MROH1: variants seen among roughly 807,000 people sequenced by gnomAD.
MROH1 encodes maestro heat-like repeat-containing protein family member 1.
In MROH1, 117 loss-of-function variants were observed where a neutral mutation model predicts 116.5. The ratio of observed to expected loss-of-function variants is 1.00; its 90% CI spans 0.86 to 1.17. The LOEUF is 1.17. Ranked by LOEUF, MROH1 falls within the 50% of genes most tolerant of loss-of-function variation. The pLI, the probability that MROH1 is intolerant of heterozygous loss-of-function variation, is 0.00. For missense variants in MROH1, 1,873 were observed against 1,338.5 expected, an observed-to-expected ratio of 1.40 and a Z score of -6.23; for synonymous variants, 921 against 583.9, an observed-to-expected ratio of 1.58 and a Z score of -8.32.
At chr8:144,165,373 C>T (rs1484364326) in intron 3 of MROH1, among the ~76,000 whole-genome samples, 1 of 151,940 alleles carries the variant, frequency 6.6e-6, no homozygotes, top group Non-Finnish European at 1.5e-5. Flanking sequence ...TCTACCTCGG[C>T]CTCCTAAAGT....
rs369659559 is a variant in MROH1, at chr8:144,180,380, G to T, written c.463+40G>T. On this transcript the variant is annotated intron_variant, in intron 6 of 43. Transcript: ENST00000326134. The surrounding 1 kb of genome is among the most constrained non-coding windows in gnomAD (Gnocchi z 7.4). ...GCCTGCCCCAGGAGGAGCACGGGGCGCTGGAAGCCTTGGCGGAGGCCTTTG... is the reference window on the plus strand; with the variant it reads ...GCCTGCCCCAGGAGGAGCACGGGGCTCTGGAAGCCTTGGCGGAGGCCTTTG... 2.5e-6 allele frequency: 4 copies of T among 1,610,174 alleles called. No homozygotes were observed. The highest frequency in any genetic ancestry group is 3.4e-6 in the Non-Finnish European group (4 of 1,178,976).
chr8:144,240,484 C>T (rs2132891291), intron 19 of MROH1, 86 bp from the exon 20 acceptor site: 1 of 706,272 alleles, frequency 1.4e-6, no homozygotes. Flanking sequence ...GCCCCTGCAG[C>T]CACAGCACAT....
In MROH1 at chr8:144,258,933, C is replaced by G; in HGVS notation, c.3929+19C>G. 1.4e-6 allele frequency: 1 copy of G among 724,214 alleles called. No individual in the cohort carries two copies. Among genetic ancestry groups the G allele is most frequent in the Admixed American group, 1.9e-5 (1 of 52,240 alleles). The allele number at this position is 724,214 out of a possible 1,614,324, so 44.9% of individuals were successfully genotyped here. ...TGGCCAGGTGAGCGGGCCCAGCCCACTGCAGCTCCAGCACTGGCTGGGCTC... is the reference window on the plus strand; with the variant it reads ...TGGCCAGGTGAGCGGGCCCAGCCCAGTGCAGCTCCAGCACTGGCTGGGCTC... On this transcript the variant is annotated intron_variant, in intron 36 of 43. Transcript: ENST00000326134.
intron 12 of MROH1, among the ~76,000 whole-genome samples, chr8:144,211,704 C>T (rs866497743): frequency 2.0e-5 from 3 of 150,146 alleles, no homozygotes; most frequent in Non-Finnish European, 4.4e-5. Context: ...CCAGCCTGTG[C>T]GACAAGAGTG....
chr8:144,178,424 G>A (rs1365381176), intron 4 of MROH1, among the ~76,000 whole-genome samples: 4 of 149,572 alleles, frequency 2.7e-5, no homozygotes, highest in South Asian at 2.1e-4. Flanking sequence ...GAGCCACCAC[G>A]CACGGCCTGT....
In MROH1 at chr8:144,258,808, C is replaced by T. The variant is rs1564581379; in HGVS notation, c.3823C>T (p.Leu1275Phe). 6.5e-6 allele frequency: 5 copies of T among 769,416 alleles called. No homozygotes were observed. Among genetic ancestry groups the T allele is most frequent in the Non-Finnish European group, 2.4e-6 (1 of 414,482 alleles). 47.7% of individuals were successfully genotyped at this position (769,416 alleles called of 1,614,324 possible). ...SAVDTLRSML[L>F]RSGSEDVVQR... ...AGTGGACACCCTGCGGTCCATGCTA[C>T]TCCGCAGCGGCAGCGAGGATGTGGT... Residue 1275 changes from leucine (L) to phenylalanine (F), a missense_variant, in exon 36 of 44, where the codon CTC becomes TTC. Physicochemically the swap from Leu to Phe is conservative, Grantham distance 22 (BLOSUM62 0). Coordinates refer to ENST00000326134, the MANE Select transcript of MROH1 (RefSeq NM_032450.3).
rs374228657 is a variant in MROH1, at chr8:144,195,366, A to G, written c.948+2965A>G. Among the ~76,000 whole-genome samples the G allele has an allele frequency of 1.5e-4, 23 of 149,704 alleles. 1 individual carries two copies. The South Asian group carries it at 4.2e-3, about 28-fold the overall frequency. The stretch of plus-strand genomic sequence containing the variant: ...AATGCAAAAAAATTAGCTGGGCATG[A>G]TAGTGGGTGCCTGTAGTCCCAGCTA... On this transcript the variant is annotated intron_variant, in intron 10 of 43. Coordinates refer to ENST00000326134, the MANE Select transcript of MROH1 (RefSeq NM_032450.3).
Position 144,200,507 on chromosome 8 carries a change from C to T in MROH1, c.1107C>T (p.Thr369=), listed in dbSNP as rs1830873596. 1 of 1,551,580 alleles carries T rather than the reference C, an allele frequency of 6.4e-7. No homozygotes were observed. The highest frequency in any genetic ancestry group is 8.7e-7 in the Non-Finnish European group (1 of 1,147,468). ...DTSNERTRVG[T]LQVVRHVINS... Reference sequence around the variant, plus strand: ...GCAATGAGAGGACCCGCGTGGGCACCCTGCAGGTGGTCAGACATGTCATCA... The same window carrying T: ...GCAATGAGAGGACCCGCGTGGGCACTCTGCAGGTGGTCAGACATGTCATCA... Residue 369 remains threonine, a synonymous_variant, in exon 12 of 44, where the codon ACC becomes ACT. Transcript: ENST00000326134.
At chr8:144,159,969 C>A (rs1431850972) in intron 1 of MROH1, among the ~76,000 whole-genome samples, 1 of 152,142 alleles carries the variant, frequency 6.6e-6, no homozygotes, top group Non-Finnish European at 1.5e-5. Flanking sequence ...CAGGGTTTCA[C>A]CGTGTTAGCC....
intron 14 of MROH1, among the ~76,000 whole-genome samples, chr8:144,232,798 A>G (rs1839189682): frequency 9.6e-6 from 1 of 103,692 alleles, no homozygotes; most frequent in Admixed American, 8.6e-5. Context: ...TGGCCTATTT[A>G]TTTATTTATT....
At chr8:144,227,845 C>A (rs1358403699) in intron 14 of MROH1, among the ~76,000 whole-genome samples, 5 of 152,000 alleles carry the variant, frequency 3.3e-5, no homozygotes, top group African/African-American at 4.8e-5. Flanking sequence ...CCCAGCCACT[C>A]GAGAGGCTGA....
intron 12 of MROH1, among the ~76,000 whole-genome samples, chr8:144,212,325 T>C (rs959051851): frequency 6.6e-6 from 1 of 152,044 alleles, no homozygotes; most frequent in East Asian, 1.9e-4. Context: ...GCTCAAGTGA[T>C]CCACTTGCCT....
intron 12 of MROH1, among the ~76,000 whole-genome samples, chr8:144,207,490 G>A (rs1207259751): frequency 6.6e-6 from 1 of 152,048 alleles, no homozygotes; most frequent in Non-Finnish European, 1.5e-5. Flanking sequence ...CCCGACCCCT[G>A]TTCAGGTCTT....
chr8:144,212,499 T>C (rs973776211), intron 12 of MROH1, among the ~76,000 whole-genome samples: 1 of 151,554 alleles, frequency 6.6e-6, no homozygotes, highest in African/African-American at 2.4e-5. Context: ...TATCAGTAGA[T>C]AGATAAAATA....
rs557723902 is a variant in MROH1 at position 144,191,225 on chromosome 8, A to G, written c.714+290A>G. Among the ~76,000 whole-genome samples the G allele has an allele frequency of 2.3e-4, 35 of 151,738 alleles. No homozygotes were observed. The East Asian group carries it at 6.8e-3, about 29-fold the overall frequency. On this transcript the variant is annotated intron_variant, in intron 8 of 43. Coordinates refer to ENST00000326134, the MANE Select transcript of MROH1 (RefSeq NM_032450.3). ...GGTGGGATTACAGGCGCCTGCCACCACTCCCGGCTTATTTTTGTATTTTTA... is the reference window on the plus strand; with the variant it reads ...GGTGGGATTACAGGCGCCTGCCACCGCTCCCGGCTTATTTTTGTATTTTTA...
rs1843592142 is a variant in MROH1, at chr8:144,255,576, C to G, written c.3662C>G (p.Pro1221Arg). 1.3e-6 allele frequency: 1 copy of G among 779,384 alleles called. No homozygotes were observed. The allele number at this position is 779,384 out of a possible 1,614,324, so 48.3% of individuals were successfully genotyped here. ...AAGPAVLELY[P>R]QLFVVLLLRV... is the part of the protein sequence containing the mutation. ...GGGCCCGCGGTGCTCGAGCTCTACC[C>G]CCAGCTGTTTGTGGTGCTTCTGCTG... Residue 1221 changes from proline (P) to arginine (R), a missense_variant, in exon 35 of 44, where the codon CCC (proline) becomes CGC (arginine). Pro to Arg is a moderately radical substitution (Grantham distance 103). Transcript: ENST00000326134.
chr8:144,257,882 T>C (rs1844198145), intron 35 of MROH1, among the ~76,000 whole-genome samples: 1 of 152,174 alleles, frequency 6.6e-6, no homozygotes, highest in Non-Finnish European at 1.5e-5. Context: ...GGCCTAAGTG[T>C]GAGGTGCTCG....
intron 3 of MROH1, 131 bp from the exon 4 acceptor site, chr8:144,168,164 C>G: frequency 9.3e-7 from 1 of 1,071,254 alleles, no homozygotes; most frequent in South Asian, 1.7e-5. Context: ...GAGAAAGCAG[C>G]TGTGCCCTCT....
chr8:144,184,719 C>T (rs2131429531), intron 7 of MROH1, among the ~76,000 whole-genome samples: 1 of 152,272 alleles, frequency 6.6e-6, no homozygotes, highest in Non-Finnish European at 1.5e-5. Context: ...GGGTGCGGGG[C>T]AGGCGTCAGG....
Sources: allele counts gnomAD v4.1 joint callset (sites outside exome capture counted in the v4.1 genomes callset), GRCh38; gene constraint gnomAD v4.1.1; non-coding constraint Gnocchi (gnomAD v3.1); transcripts MANE v1.5; gene names NCBI Gene and HGNC (gene_info 2026-07-23, HGNC 2026-07-21).